PPP1R13B: variants seen among roughly 807,000 people sequenced by gnomAD.
PPP1R13B encodes the protein protein phosphatase 1 regulatory subunit 13B, also known as apoptosis-stimulating of p53 protein 1.
Under a neutral mutation model 119.8 loss-of-function variants are expected in PPP1R13B, and 44 were observed. That is an observed-to-expected ratio of 0.37 (90% CI 0.29 to 0.47). The LOEUF (loss-of-function observed/expected upper bound fraction) is 0.47. Among genes scored for constraint, PPP1R13B ranks in the 20% least tolerant of loss-of-function variants. The pLI is 0.99. For synonymous variants in PPP1R13B, 542 were observed against 561.5 expected (o/e 0.97, Z 0.49); for missense variants, 1,227 against 1,413.5 (o/e 0.87, Z 2.12).
In PPP1R13B at chr14:103,811,798, T is replaced by C. The variant is rs779915746; in HGVS notation, c.10-14280A>G. On this transcript the variant is annotated intron_variant, in intron 1 of 16. Transcript: ENST00000202556. ...CAGGCCGGGCGCAGTGGCTCACACC[T>C]GTAATCCCAGCACTTTGGGAGGCCA... Among the ~76,000 whole-genome samples, 176 of 150,132 alleles carry C rather than the reference T, an allele frequency of 1.2e-3. 1 individual carries two copies. Among genetic ancestry groups the C allele is most frequent in the Non-Finnish European group, 2.3e-3 (157 of 67,596 alleles).
At chr14:103,770,096 T>C (rs984200582) in intron 4 of PPP1R13B, among the ~76,000 whole-genome samples, 1 of 152,092 alleles carries the variant, frequency 6.6e-6, no homozygotes, top group East Asian at 1.9e-4. Context: ...GTCTACTCTG[T>C]TGTCCAGACT....
rs918819299 is a variant in PPP1R13B, at chr14:103,733,371, A to C, written c.*1783T>G. The stretch of plus-strand genomic sequence containing the variant: ...TGGCCCATCAATATTCATTTCATTT[A>C]ATTCTTCCACAGAACCAGTTTGGGC... On this transcript the variant is annotated 3_prime_UTR_variant, in exon 17 of 17. Coordinates refer to ENST00000202556, the MANE Select transcript of PPP1R13B (RefSeq NM_015316.3). The C allele has an allele frequency of 9.5e-6, 2 of 210,902 alleles. No individual in the cohort carries two copies. The highest frequency in any genetic ancestry group is 9.6e-6 in the Non-Finnish European group (1 of 104,324). 13.1% of individuals were successfully genotyped at this position (210,902 alleles called of 1,614,324 possible). A position where few individuals can be genotyped will look rare whatever the true frequency, so the allele number is the denominator to read the frequency against.
chr14:103,823,347 GA>G lies in PPP1R13B; in HGVS notation c.9+23951del, dbSNP rs796723669. On this transcript the variant is annotated intron_variant, in intron 1 of 16. Coordinates refer to ENST00000202556, the MANE Select transcript of PPP1R13B (RefSeq NM_015316.3). The stretch of plus-strand genomic sequence containing the variant: ...CAGTGAGACTCTGTCTCAAAAAAAA[GA>G]AAAAAAAAAAACAACAGGGACAATT... 1.8e-3 allele frequency among the ~76,000 whole-genome samples: 231 copies of G among 129,634 alleles called. 1 individual carries two copies. The highest frequency in any genetic ancestry group is 6.1e-3 in the East Asian group (25 of 4,122). The allele number at this position is 129,634 out of a possible 152,430, so 85.0% of individuals were successfully genotyped here. A position where few individuals can be genotyped will look rare whatever the true frequency, so the allele number is the denominator to read the frequency against.
intron 1 of PPP1R13B, among the ~76,000 whole-genome samples, chr14:103,812,346 G>C (rs1390004597): frequency 6.6e-6 from 1 of 151,640 alleles, no homozygotes; most frequent in Admixed American, 6.6e-5. Flanking sequence ...GGCTGGTCTC[G>C]AACTCCTTAC....
At chr14:103,799,223 G>A (rs189686801) in intron 1 of PPP1R13B, among the ~76,000 whole-genome samples, 23 of 152,070 alleles carry the variant, frequency 1.5e-4, no homozygotes, top group African/African-American at 5.1e-4. Flanking sequence ...CTGTCACGCA[G>A]GCTGGAGTGC....
chr14:103,739,716 C>T lies in PPP1R13B; in HGVS notation c.2592+108G>A, dbSNP rs2084203150. On this transcript the variant is annotated intron_variant, in intron 12 of 16. Coordinates refer to ENST00000202556, the MANE Select transcript of PPP1R13B (RefSeq NM_015316.3). ...CTACAAGACGTAACTCAGGGACATCCCTGGTTCCCACTGCTCCCAGCACAG... is the reference window on the plus strand; with the variant it reads ...CTACAAGACGTAACTCAGGGACATCTCTGGTTCCCACTGCTCCCAGCACAG... The T allele has an allele frequency of 1.3e-5, 17 of 1,329,468 alleles. No individual in the cohort carries two copies. In the South Asian group the frequency reaches 2.3e-4, roughly 18 times the overall value. The allele number at this position is 1,329,468 out of a possible 1,614,324, so 82.4% of individuals were successfully genotyped here. A position where few individuals can be genotyped will look rare whatever the true frequency, so the allele number is the denominator to read the frequency against.
intron 6 of PPP1R13B, among the ~76,000 whole-genome samples, chr14:103,753,655 G>A (rs2084603004): frequency 6.6e-6 from 1 of 152,350 alleles, no homozygotes; most frequent in African/African-American, 2.4e-5. Context: ...CCCTCTGAAT[G>A]AGTAAGTCTT....
intron 1 of PPP1R13B, among the ~76,000 whole-genome samples, chr14:103,801,422 C>T (rs1344380906): frequency 6.6e-6 from 1 of 152,144 alleles, no homozygotes. Context: ...ACTAAACCTC[C>T]CTCCATCAGC....
chr14:103,784,772 T>C lies in PPP1R13B; in HGVS notation c.277+23A>G, dbSNP rs777054965. Reference sequence around the variant, plus strand: ...AACTTTCCTAGCAAAAATTAACAAATGAGGAAGAAAGCAGTTATCTACCTT... The same window carrying C: ...AACTTTCCTAGCAAAAATTAACAAACGAGGAAGAAAGCAGTTATCTACCTT... On this transcript the variant is annotated intron_variant, in intron 3 of 16. Coordinates refer to ENST00000202556, the MANE Select transcript of PPP1R13B (RefSeq NM_015316.3). 7.1e-6 allele frequency: 11 copies of C among 1,550,246 alleles called. No individual in the cohort carries two copies. In the South Asian group the frequency reaches 8.4e-5, roughly 12 times the overall value.
intron 1 of PPP1R13B, among the ~76,000 whole-genome samples, chr14:103,806,543 C>T (rs568830751): frequency 5.9e-5 from 9 of 152,228 alleles, no homozygotes; most frequent in South Asian, 4.1e-4. Flanking sequence ...CAGCAGGCCA[C>T]GCACCCCAAA....
In PPP1R13B at chr14:103,740,018, C is replaced by CG. The variant is rs1193011702; in HGVS notation, c.2397dup (p.Glu800ArgfsTer22). On this transcript the variant is annotated frameshift_variant, in exon 12 of 17. Transcript: ENST00000202556. LOFTEE classifies it high-confidence loss of function. The surrounding 1 kb of genome is among the most constrained non-coding windows in gnomAD (Gnocchi z 4.6). ...TGGGGACAGATGAGCTCCTCTGGTT[C>CG]GGGGGAAGGTAACTCATTATCATTG... 6.2e-7 allele frequency: 1 copy of CG among 1,613,804 alleles called. No individual in the cohort carries two copies. Among genetic ancestry groups the CG allele is most frequent in the Non-Finnish European group, 8.5e-7 (1 of 1,179,996 alleles).
chr14:103,826,392 C>T (rs2086542744), intron 1 of PPP1R13B, among the ~76,000 whole-genome samples: 1 of 152,152 alleles, frequency 6.6e-6, no homozygotes, highest in African/African-American at 2.4e-5. Context: ...ACTTGAAACC[C>T]ACCTGCTTCA....
intron 1 of PPP1R13B, among the ~76,000 whole-genome samples, chr14:103,809,277 A>G (rs1160614751): frequency 6.6e-6 from 1 of 152,190 alleles, no homozygotes; most frequent in African/African-American, 2.4e-5. Flanking sequence ...TAATAATTTC[A>G]CATTTTAAAT....
At chr14:103,802,890 C>T (rs985951250) in intron 1 of PPP1R13B, among the ~76,000 whole-genome samples, 1 of 152,228 alleles carries the variant, frequency 6.6e-6, no homozygotes, top group African/African-American at 2.4e-5. Flanking sequence ...CATTTTATCA[C>T]TCGCAATAAC....
intron 4 of PPP1R13B, among the ~76,000 whole-genome samples, chr14:103,760,802 C>T (rs1423538163): frequency 2.0e-5 from 3 of 152,196 alleles, no homozygotes; most frequent in African/African-American, 7.2e-5. Context: ...AGCCTCCCAC[C>T]CTGACCCCAG....
chr14:103,765,533 T>C (rs1052929070), intron 4 of PPP1R13B, among the ~76,000 whole-genome samples: 10 of 152,146 alleles, frequency 6.6e-5, no homozygotes, highest in African/African-American at 2.4e-4. Context: ...AGCAACATCT[T>C]TGATTGAGCC....
intron 9 of PPP1R13B, among the ~76,000 whole-genome samples, chr14:103,745,262 T>TC (rs971055751): frequency 2.0e-5 from 3 of 152,180 alleles, no homozygotes; most frequent in African/African-American, 7.2e-5. Context: ...AACAGATGTG[T>TC]CGCTGTCCCT....
At chr14:103,752,148 T>C (rs893952674) in intron 7 of PPP1R13B, among the ~76,000 whole-genome samples, 3 of 152,222 alleles carry the variant, frequency 2.0e-5, no homozygotes, top group Non-Finnish European at 4.4e-5. Context: ...TTAGCATCCT[T>C]CCTAATCTGG....
chr14:103,838,374 A>G (rs915792392), intron 1 of PPP1R13B, among the ~76,000 whole-genome samples: 25 of 152,322 alleles, frequency 1.6e-4, no homozygotes, highest in African/African-American at 6.0e-4. Context: ...GGGAAACAAA[A>G]AGAGAGAGCT....
Sources: gnomAD v4.1 joint callset for allele counts (sites outside exome capture counted in the v4.1 genomes callset) on GRCh38, gnomAD v4.1.1 for gene constraint, Gnocchi (gnomAD v3.1) non-coding constraint, MANE v1.5 for transcripts, NCBI Gene and HGNC (gene_info 2026-07-23, HGNC 2026-07-21) for gene names.